SOX5: variants seen among roughly 807,000 people sequenced by gnomAD.
SOX5 encodes SRY-box transcription factor 5.
A neutral mutation model predicts 92.0 loss-of-function variants in SOX5; 9 were observed. That is an observed-to-expected ratio of 0.10 (90% CI 0.06 to 0.17). The LOEUF is 0.17. Ranked by LOEUF, SOX5 falls within the 10% of genes least tolerant of loss-of-function variation. SOX5 has a pLI of 1.00. For missense variants in SOX5, 642 were observed against 944.5 expected, an observed-to-expected ratio of 0.68 and a Z score of 4.20; for synonymous variants, 344 against 336.3, an observed-to-expected ratio of 1.02 and a Z score of -0.25.
chr12:24,157,050 T>A (rs1380838479), intron 4 of SOX5, among the ~76,000 whole-genome samples: 1 of 152,112 alleles, frequency 6.6e-6, no homozygotes, highest in East Asian at 1.9e-4. Context: ...TAATGATATT[T>A]TACTTTCTCA....
At chr12:24,406,366 GTGA>G (rs770465648) in intron 1 of SOX5, among the ~76,000 whole-genome samples, 1,830 of 152,278 alleles carry the variant, frequency 0.012, 17 homozygotes, top group Middle Eastern at 0.071. Context: ...TCTCCCAAAA[GTGA>G]TCAACTGAGA....
At chr12:23,838,347 G>T (rs1374281693) in intron 3 of SOX5, among the ~76,000 whole-genome samples, 2 of 150,822 alleles carry the variant, frequency 1.3e-5, no homozygotes, top group Non-Finnish European at 2.9e-5. Flanking sequence ...ATTACTCCTT[G>T]ATGCATCTCT....
At chr12:24,471,305 T>C (rs969518000) in intron 1 of SOX5, among the ~76,000 whole-genome samples, 3 of 152,212 alleles carry the variant, frequency 2.0e-5, no homozygotes, top group Non-Finnish European at 4.4e-5. Context: ...TATTCTAATT[T>C]AATTTTTCTA....
intron 3 of SOX5, among the ~76,000 whole-genome samples, chr12:23,817,122 C>A (rs1363631689): frequency 6.6e-6 from 1 of 152,132 alleles, no homozygotes; most frequent in Admixed American, 6.6e-5. Flanking sequence ...AGTTACAGAG[C>A]AAATAGCATT....
chr12:23,994,901 GAT>G (rs1426587004), intron 4 of SOX5, among the ~76,000 whole-genome samples: 2 of 152,238 alleles, frequency 1.3e-5, no homozygotes, highest in East Asian at 3.9e-4. Context: ...GCCATAATTT[GAT>G]AGACAAAATG....
At chr12:24,396,557 C>T (rs1053628707) in intron 1 of SOX5, among the ~76,000 whole-genome samples, 3 of 152,088 alleles carry the variant, frequency 2.0e-5, no homozygotes, top group African/African-American at 4.8e-5. Flanking sequence ...CAACAGCTCG[C>T]GCTAGCTCCT....
intron 3 of SOX5, among the ~76,000 whole-genome samples, chr12:23,838,753 T>C (rs1353021020): frequency 6.6e-6 from 1 of 151,640 alleles, no homozygotes; most frequent in Non-Finnish European, 1.5e-5. Context: ...TTTCCTGCTA[T>C]GGACGCGCTA....
chr12:23,866,877 C>T (rs1355080942), intron 2 of SOX5, among the ~76,000 whole-genome samples: 2 of 152,106 alleles, frequency 1.3e-5, no homozygotes, highest in African/African-American at 4.8e-5. Context: ...CATTGTGTTG[C>T]TGAAGATGTT....
At chr12:23,640,013 T>C (rs1225230077) in intron 8 of SOX5, among the ~76,000 whole-genome samples, 2 of 152,194 alleles carry the variant, frequency 1.3e-5, no homozygotes, top group African/African-American at 4.8e-5. Context: ...GGTTAACTTC[T>C]CACAAGAGGA....
intron 2 of SOX5, among the ~76,000 whole-genome samples, chr12:23,871,120 AT>A (rs2096868364): frequency 6.6e-6 from 1 of 152,132 alleles, no homozygotes; most frequent in Admixed American, 6.5e-5. Flanking sequence ...TGAGAAAAAT[AT>A]TTAGAGAAGT....
chr12:23,961,060 T>A (rs1481244665), intron 4 of SOX5, among the ~76,000 whole-genome samples: 3 of 152,212 alleles, frequency 2.0e-5, no homozygotes, highest in Admixed American at 6.5e-5. Context: ...CTATACATAA[T>A]GTTCTTCAAA....
intron 1 of SOX5, chr12:23,920,111 A>G: frequency 6.6e-6 from 1 of 152,260 alleles, no homozygotes; most frequent in East Asian, 1.9e-4. Flanking sequence ...CACTTATGGC[A>G]TTTTCCCTTC....
chr12:24,545,235 T>C (rs180906697), intron 1 of SOX5, among the ~76,000 whole-genome samples: 4 of 152,316 alleles, frequency 2.6e-5, no homozygotes, highest in Non-Finnish European at 5.9e-5. Flanking sequence ...CTTGGTTTCA[T>C]TCCACAAAGA....
intron 2 of SOX5, among the ~76,000 whole-genome samples, chr12:24,317,909 T>G (rs1046940184): frequency 6.6e-6 from 1 of 152,138 alleles, no homozygotes; most frequent in Non-Finnish European, 1.5e-5. Flanking sequence ...TTCAAAATAT[T>G]AGGAATATAA....
intron 8 of SOX5, among the ~76,000 whole-genome samples, chr12:23,637,711 A>G (rs2079453389): frequency 1.3e-5 from 2 of 152,334 alleles, no homozygotes; most frequent in African/African-American, 2.4e-5. Context: ...TTGTTCCTCA[A>G]CTGGCTTTTT....
At chr12:24,268,886 G>T (rs1943347730) in intron 3 of SOX5, among the ~76,000 whole-genome samples, 1 of 152,086 alleles carries the variant, frequency 6.6e-6, no homozygotes, top group South Asian at 2.1e-4. Flanking sequence ...GTCATATTCA[G>T]TATTTTGTTT....
At chr12:23,863,750 A>G (rs1412952796) in intron 2 of SOX5, among the ~76,000 whole-genome samples, 3 of 151,776 alleles carry the variant, frequency 2.0e-5, no homozygotes, top group Non-Finnish European at 4.4e-5. Flanking sequence ...CCAAATGAAA[A>G]TTGAGCTATT....
intron 2 of SOX5, among the ~76,000 whole-genome samples, chr12:23,888,518 C>T (rs564566377): frequency 2.0e-5 from 3 of 152,188 alleles, no homozygotes; most frequent in Non-Finnish European, 2.9e-5. Flanking sequence ...ATGAATGAAT[C>T]AAAGTTTTCT....
chr12:24,391,084 C>A (rs758426141), intron 1 of SOX5, among the ~76,000 whole-genome samples: 11 of 152,118 alleles, frequency 7.2e-5, no homozygotes, highest in Non-Finnish European at 1.3e-4. Context: ...TCACCAACAT[C>A]TGTTGTTTTC....
Sources: gnomAD v4.1 joint callset for allele counts (sites outside exome capture counted in the v4.1 genomes callset) on GRCh38, gnomAD v4.1.1 for gene constraint, MANE v1.5 for transcripts, NCBI Gene and HGNC (gene_info 2026-07-23, HGNC 2026-07-21) for gene names.